Variants in FAHD1 observed in about 807,000 individuals in gnomAD.
The protein encoded by FAHD1 is oxaloacetate tautomerase FAHD1, mitochondrial.
A neutral mutation model predicts 12.7 loss-of-function variants in FAHD1; 14 were observed. The observed-to-expected ratio is 1.10, with a 90% CI of 0.73 to 1.72. The LOEUF is 1.72. Ranked by LOEUF, FAHD1 falls within the 40% of genes most tolerant of loss-of-function variation. The probability of loss-of-function intolerance (pLI) is 0.00; values close to 1 mark genes in which losing one functional copy is unlikely to be tolerated. For synonymous variants in FAHD1, 153 were observed against 124.9 expected (o/e 1.22, Z -1.50); for missense variants, 351 against 298.9 (o/e 1.17, Z -1.29).
At chr16:1,830,654 C>G (rs1007456885), downstream of FAHD1, among the ~76,000 whole-genome samples, 2 of 152,140 alleles carry the variant, frequency 1.3e-5, no homozygotes, top group African/African-American at 4.8e-5. Flanking sequence ...ATGCAAGAAT[C>G]AAAAACAGAG....
chr16:1,827,330 T>C lies in FAHD1; in HGVS notation c.92T>C (p.Met31Thr), dbSNP rs1424790750. 6 of 1,613,048 alleles carry C rather than the reference T, an allele frequency of 3.7e-6. No individual in the cohort carries two copies. In the Admixed American group the frequency reaches 5.0e-5, roughly 13 times the overall value. Residue 31 changes from methionine to threonine, a missense_variant, in exon 1 of 1, where the codon ATG becomes ACG. Physicochemically the swap from Met to Thr is moderately conservative, Grantham distance 81. Transcript: ENST00000427358. ...AACTACGCGGACCACGTCAGGGAGA[T>C]GCGCAGCGCGGTGTTGAGCGAGCCC...
chr16:1,837,219 G>C (rs1233907085), intron 1 of FAHD1, among the ~76,000 whole-genome samples: 2 of 152,122 alleles, frequency 1.3e-5, no homozygotes, highest in East Asian at 3.8e-4. Flanking sequence ...CCTCTGCAGG[G>C]TCTCACAGGC....
chr16:1,828,351 C>A lies in FAHD1; in HGVS notation c.*447C>A, dbSNP rs1898554639. 8 of 1,001,392 alleles carry A rather than the reference C, an allele frequency of 8.0e-6. No homozygotes were observed. In the South Asian group the frequency reaches 3.7e-4, roughly 46 times the overall value. The allele number at this position is 1,001,392 out of a possible 1,614,324, so 62.0% of individuals were successfully genotyped here. On this transcript the variant is annotated 3_prime_UTR_variant, in exon 1 of 1. Coordinates refer to ENST00000427358, the Ensembl canonical transcript of FAHD1. The stretch of plus-strand genomic sequence containing the variant: ...TATGCCTCAACTCATAGAAGATGAA[C>A]CCTTCAAGAAAACGTGAAGTAGAAC...
intron 1 of FAHD1, chr16:1,837,731 A>C (rs960651013): frequency 3.2e-6 from 3 of 926,778 alleles, no homozygotes; most frequent in Non-Finnish European, 4.8e-6. Context: ...TATGGTTTGA[A>C]TATACAGAAT....
At chr16:1,828,157 T>C in exon 1 of FAHD1, 4 of 849,148 alleles carry the variant, frequency 4.7e-6, no homozygotes, top group Non-Finnish European at 6.4e-6. Flanking sequence ...GGCGGGCGCC[T>C]GTAGTCCCAG....
exon 1 of FAHD1, chr16:1,827,776 G>A: frequency 6.2e-7 from 1 of 1,614,102 alleles, no homozygotes; most frequent in Non-Finnish European, 8.5e-7. Flanking sequence ...CATAACCTTG[G>A]AAGAAGGAGA....
chr16:1,837,889 T>C, intron 1 of FAHD1: 2 of 1,486,334 alleles, frequency 1.3e-6, no homozygotes, highest in South Asian at 1.3e-5. Flanking sequence ...AAAAAAAATA[T>C]GAGACAAATA....
At position 1,838,082 on chromosome 16, in the gene FAHD1, G is replaced by T; in HGVS notation, c.694G>T (p.Glu232Ter). 1 of 855,768 alleles carries T rather than the reference G, an allele frequency of 1.2e-6. No homozygotes were observed. The highest frequency in any genetic ancestry group is 1.8e-6 in the Non-Finnish European group (1 of 559,944). 53.0% of individuals were successfully genotyped at this position (855,768 alleles called of 1,614,324 possible). A position where few individuals can be genotyped will look rare whatever the true frequency, so the allele number is the denominator to read the frequency against. Residue 232 changes from glutamate to a stop codon, truncating the protein, a stop_gained, in exon 2 of 3, where the codon GAA becomes TAA. Coordinates refer to the FAHD1 transcript ENST00000382666. LOFTEE classifies it high-confidence loss of function. ...TGCTATCACAGCTCACTGCAGCCTC[G>T]AACTCCCGGGGTCAAGCAATCCTCC...
intron 2 of FAHD1, among the ~76,000 whole-genome samples, chr16:1,838,841 G>C (rs897064669): frequency 6.6e-6 from 1 of 152,074 alleles, no homozygotes; most frequent in African/African-American, 2.4e-5. Flanking sequence ...ACAAGTGCAC[G>C]TCACCACACC....
In FAHD1 at chr16:1,828,912, T is replaced by C; in HGVS notation, c.*1008T>C. The C allele has an allele frequency of 1.0e-6, 1 of 1,000,150 alleles. No homozygotes were observed. Among genetic ancestry groups the C allele is most frequent in the Non-Finnish European group, 1.2e-6 (1 of 829,928 alleles). The allele number at this position is 1,000,150 out of a possible 1,614,324, so 62.0% of individuals were successfully genotyped here. ...CCAAATAAAGGTGCTCCCTTCTAAG[T>C]GGCTTACAAGGGTAATTTTTTTCCC... is the stretch of plus-strand genomic sequence containing the variant. On this transcript the variant is annotated 3_prime_UTR_variant, in exon 1 of 1. Transcript: ENST00000427358.
chr16:1,827,222 G>A (rs201663677), exon 1 of FAHD1: 171 of 1,594,690 alleles, frequency 1.1e-4, no homozygotes, highest in Non-Finnish European at 1.4e-4. Flanking sequence ...TGACTACAGG[G>A]GCACTTGATG....
chr16:1,838,200 A>G (rs1898800925), intron 2 of FAHD1: 2 of 461,428 alleles, frequency 4.3e-6, no homozygotes, highest in South Asian at 5.5e-5. Context: ...GGGTCTCACT[A>G]TGTTGCCCAG....
intron 1 of FAHD1, chr16:1,834,504 G>C (rs1468477250): frequency 9.2e-6 from 5 of 542,314 alleles, no homozygotes; most frequent in South Asian, 5.2e-5. Context: ...ACTTCCATTA[G>C]AGCTGTAAGA....
exon 1 of FAHD1, chr16:1,828,884 T>G (rs1898569309): frequency 1.0e-6 from 1 of 1,000,162 alleles, no homozygotes; most frequent in Admixed American, 6.1e-5. Context: ...AAATTACTGT[T>G]TTCCAAATAA....
At chr16:1,834,452 A>AG (rs1898685769) in intron 1 of FAHD1, 1 of 704,818 alleles carries the variant, frequency 1.4e-6, no homozygotes, top group South Asian at 1.7e-5. Flanking sequence ...GATCACGAAT[A>AG]GAGAACTGCA....
downstream of FAHD1, among the ~76,000 whole-genome samples, chr16:1,831,928 A>G (rs549912635): frequency 2.6e-5 from 4 of 152,150 alleles, no homozygotes; most frequent in African/African-American, 9.6e-5. Context: ...CCGTGGAAAA[A>G]CTGTCTTCCA....
chr16:1,832,329 C>G (rs11641513), downstream of FAHD1, among the ~76,000 whole-genome samples: 26,127 of 149,596 alleles, frequency 0.17, 2,422 homozygotes, highest in South Asian at 0.27. Context: ...CTCCACCACA[C>G]CCGGCTAATT....
chr16:1,833,635 C>T (rs1457653954), downstream of FAHD1, among the ~76,000 whole-genome samples: 1 of 148,210 alleles, frequency 6.7e-6, no homozygotes, highest in Non-Finnish European at 1.5e-5. Context: ...GATCTCAGCT[C>T]ACTACAACCT....
At chr16:1,832,980 T>G (rs953953929), downstream of FAHD1, among the ~76,000 whole-genome samples, 48 of 152,190 alleles carry the variant, frequency 3.2e-4, no homozygotes, top group Admixed American at 2.8e-3. Flanking sequence ...CGATGGTTTA[T>G]CTCCCAACAC....
Sources: allele counts gnomAD v4.1 joint callset (sites outside exome capture counted in the v4.1 genomes callset), GRCh38; gene constraint gnomAD v4.1.1; transcripts MANE v1.5; gene names NCBI Gene and HGNC (gene_info 2026-07-23, HGNC 2026-07-21).